Variants in ARIH1 observed in about 807,000 individuals in gnomAD.
ARIH1 encodes the protein E3 ubiquitin-protein ligase ARIH1.
In ARIH1, 8 loss-of-function variants were observed where a neutral mutation model predicts 85.0. That is an observed-to-expected ratio of 0.09 (90% CI 0.06 to 0.17). The LOEUF is 0.17. Ranked by LOEUF, ARIH1 falls within the 10% of genes least tolerant of loss-of-function variation. The pLI, the probability that ARIH1 is intolerant of heterozygous loss-of-function variation, is 1.00. For missense variants in ARIH1, 311 were observed against 718.1 expected (o/e 0.43, Z 6.48); for synonymous variants, 238 against 253.6 (o/e 0.94, Z 0.59).
At chr15:72,556,299 A>G (rs2064174343) in intron 5 of ARIH1, among the ~76,000 whole-genome samples, 1 of 152,240 alleles carries the variant, frequency 6.6e-6, no homozygotes, top group Non-Finnish European at 1.5e-5. Flanking sequence ...GTTAAAAGAC[A>G]AAGAAGGAAG....
intron 2 of ARIH1, among the ~76,000 whole-genome samples, chr15:72,524,267 G>A (rs1361092487): frequency 6.8e-6 from 1 of 146,168 alleles, no homozygotes; most frequent in African/African-American, 2.5e-5. Flanking sequence ...TTTTGAGATG[G>A]ATGGAGTCTT....
At chr15:72,475,851 T>G (rs1567334210) in intron 1 of ARIH1, among the ~76,000 whole-genome samples, 1 of 152,172 alleles carries the variant, frequency 6.6e-6, no homozygotes, top group Non-Finnish European at 1.5e-5. Flanking sequence ...TTGTGGTAAG[T>G]TAGGCTTGGT....
rs1181537132 is a variant in ARIH1 at position 72,594,169 on chromosome 15, T to G, written c.*10877T>G. The stretch of plus-strand genomic sequence containing the variant: ...TTTTGATTTTCTTTTCTTTTTCTTT[T>G]TTTCTTTTTTTTTTTTTGAGACGGA... On this transcript the variant is annotated 3_prime_UTR_variant, in exon 14 of 14. Coordinates refer to ENST00000379887, the MANE Select transcript of ARIH1 (RefSeq NM_005744.5). 1 of 151,416 alleles carries G rather than the reference T, an allele frequency of 6.6e-6. No individual in the cohort carries two copies. Among genetic ancestry groups the G allele is most frequent in the South Asian group, 2.1e-4 (1 of 4,822 alleles). The allele number at this position is 151,416 out of a possible 1,614,324, so 9.4% of individuals were successfully genotyped here. A position where few individuals can be genotyped will look rare whatever the true frequency, so the allele number is the denominator to read the frequency against.
At chr15:72,484,190 GAAGAA>G (rs1182893395) in intron 1 of ARIH1, among the ~76,000 whole-genome samples, 35 of 134,086 alleles carry the variant, frequency 2.6e-4, no homozygotes, top group African/African-American at 5.9e-4. Flanking sequence ...AAAAAAAAAA[GAAGAA>G]AAGAAAAGAA....
At chr15:72,480,943 G>T (rs559879086) in intron 1 of ARIH1, among the ~76,000 whole-genome samples, 2 of 152,178 alleles carry the variant, frequency 1.3e-5, no homozygotes, top group South Asian at 4.1e-4. Flanking sequence ...TGTTTTATTC[G>T]TTTAACATCA....
At chr15:72,548,479 A>G (rs1011898050) in intron 3 of ARIH1, among the ~76,000 whole-genome samples, 1 of 152,214 alleles carries the variant, frequency 6.6e-6, no homozygotes, top group Non-Finnish European at 1.5e-5. Flanking sequence ...GGAAGCAATA[A>G]ATGTAATGAA....
intron 2 of ARIH1, among the ~76,000 whole-genome samples, chr15:72,541,716 A>G (rs1351317101): frequency 2.0e-5 from 3 of 152,252 alleles, no homozygotes; most frequent in African/African-American, 7.2e-5. Context: ...ATTTGGGTAT[A>G]TAGTGAACAG....
At chr15:72,527,410 T>C (rs569721255) in intron 2 of ARIH1, among the ~76,000 whole-genome samples, 1 of 152,200 alleles carries the variant, frequency 6.6e-6, no homozygotes, top group East Asian at 1.9e-4. Flanking sequence ...GAGTAGTGAG[T>C]TTTTGATAAA....
chr15:72,512,699 A>G (rs568127552), intron 1 of ARIH1, among the ~76,000 whole-genome samples: 1 of 150,562 alleles, frequency 6.6e-6, no homozygotes, highest in Non-Finnish European at 1.5e-5. Context: ...CACAACTTTG[A>G]TATGTTGTAT....
chr15:72,474,787 C>T lies in ARIH1; in HGVS notation c.148C>T (p.Pro50Ser), dbSNP rs768801971. The T allele has an allele frequency of 5.9e-6, 9 of 1,513,326 alleles. No homozygotes were observed. The highest frequency in any genetic ancestry group is 7.1e-6 in the Non-Finnish European group (8 of 1,127,586). The allele number at this position is 1,513,326 out of a possible 1,614,324, so 93.7% of individuals were successfully genotyped here. The part of the protein sequence containing the change: ...LDLGEVELVE[P>S]GLGVGGERDG... ...TCTGGGCGAGGTGGAGCTGGTGGAGCCCGGGCTGGGCGTCGGCGGGGAGCG... is the reference window on the plus strand; with the variant it reads ...TCTGGGCGAGGTGGAGCTGGTGGAGTCCGGGCTGGGCGTCGGCGGGGAGCG... The change falls in exon 1 of 14, where the codon CCC becomes TCC. Residue 50 changes from proline to serine, a missense_variant. Physicochemically the swap from Pro to Ser is moderately conservative, Grantham distance 74. Transcript: ENST00000379887.
chr15:72,474,448 C>G lies in ARIH1; in HGVS notation c.-192C>G. The stretch of plus-strand genomic sequence containing the variant: ...CGGCCCCCTCGCTCCCTCCCTCCCT[C>G]CTCCGCGCCCTCCCCGCCGCCACCA... On this transcript the variant is annotated 5_prime_UTR_variant, in exon 1 of 14. Coordinates refer to ENST00000379887, the MANE Select transcript of ARIH1 (RefSeq NM_005744.5). 2 of 704,250 alleles carry G rather than the reference C, an allele frequency of 2.8e-6. No individual in the cohort carries two copies. The highest frequency in any genetic ancestry group is 4.5e-6 in the Non-Finnish European group (2 of 447,114). The allele number at this position is 704,250 out of a possible 1,614,324, so 43.6% of individuals were successfully genotyped here. A position where few individuals can be genotyped will look rare whatever the true frequency, so the allele number is the denominator to read the frequency against.
chr15:72,530,272 T>G (rs1192544047), intron 2 of ARIH1, among the ~76,000 whole-genome samples: 1 of 152,200 alleles, frequency 6.6e-6, no homozygotes, highest in Non-Finnish European at 1.5e-5. Context: ...GTTGAGAGTT[T>G]GGGAATCAAG....
chr15:72,556,003 A>G (rs956612052), intron 5 of ARIH1, 96 bp downstream of exon 5: 4 of 1,125,772 alleles, frequency 3.6e-6, no homozygotes, highest in Non-Finnish European at 5.2e-6. Context: ...GAAACTTTTT[A>G]AAGTCTGAAG....
intron 1 of ARIH1, among the ~76,000 whole-genome samples, chr15:72,504,684 C>T (rs969794814): frequency 6.6e-5 from 10 of 152,108 alleles, no homozygotes; most frequent in African/African-American, 2.2e-4. Flanking sequence ...AGACATTATT[C>T]GGAAAGAACC....
intron 11 of ARIH1, among the ~76,000 whole-genome samples, chr15:72,579,252 T>A (rs1035680728): frequency 6.6e-6 from 1 of 152,222 alleles, no homozygotes; most frequent in Admixed American, 6.5e-5. Context: ...CTGTAGAGTT[T>A]CCCACATTAT....
chr15:72,559,161 A>G (rs564367024), intron 5 of ARIH1, among the ~76,000 whole-genome samples: 1 of 152,340 alleles, frequency 6.6e-6, no homozygotes, highest in Non-Finnish European at 1.5e-5. Context: ...CAGGTTTCAC[A>G]TCCCACAAAT....
rs1287237960 is a variant in ARIH1, at chr15:72,588,483, C to T, written c.*5191C>T. The T allele has an allele frequency of 5.3e-5, 8 of 152,342 alleles. No individual in the cohort carries two copies. In the East Asian group the frequency reaches 1.5e-3, roughly 29 times the overall value. 9.4% of individuals were successfully genotyped at this position (152,342 alleles called of 1,614,324 possible). A position where few individuals can be genotyped will look rare whatever the true frequency, so the allele number is the denominator to read the frequency against. On this transcript the variant is annotated 3_prime_UTR_variant, in exon 14 of 14. Transcript: ENST00000379887. Reference sequence around the variant, plus strand: ...TTTTGTAAAGCCCTTTACGCATTCTCACCCCTAATTCCAGCCGGTGATTCT... The same window carrying T: ...TTTTGTAAAGCCCTTTACGCATTCTTACCCCTAATTCCAGCCGGTGATTCT...
At position 72,589,105 on chromosome 15, in the gene ARIH1, T is replaced by G. The variant is rs1240263348; in HGVS notation, c.*5813T>G. 1 of 152,220 alleles carries G rather than the reference T, an allele frequency of 6.6e-6. No individual in the cohort carries two copies. The highest frequency in any genetic ancestry group is 6.5e-5 in the Admixed American group (1 of 15,284). 9.4% of individuals were successfully genotyped at this position (152,220 alleles called of 1,614,324 possible). A position where few individuals can be genotyped will look rare whatever the true frequency, so the allele number is the denominator to read the frequency against. On this transcript the variant is annotated 3_prime_UTR_variant, in exon 14 of 14. Coordinates refer to ENST00000379887, the MANE Select transcript of ARIH1 (RefSeq NM_005744.5). ...CTAATAGGAACTGTAATTTGTTGAG[T>G]GCTTTTTGCCAGATGCCTTACTTTT...
intron 2 of ARIH1, among the ~76,000 whole-genome samples, chr15:72,527,544 A>G (rs2064035971): frequency 6.6e-6 from 1 of 151,516 alleles, no homozygotes; most frequent in Non-Finnish European, 1.5e-5. Context: ...CTGTTCTCAT[A>G]TTACACTTTA....
Sources: allele counts gnomAD v4.1 joint callset (sites outside exome capture counted in the v4.1 genomes callset), GRCh38; gene constraint gnomAD v4.1.1; transcripts MANE v1.5; gene names NCBI Gene and HGNC (gene_info 2026-07-23, HGNC 2026-07-21).